Variants in CWC15 observed in about 807,000 individuals in gnomAD.
CWC15 encodes the protein spliceosome-associated protein CWC15 homolog.
In CWC15, 12 loss-of-function variants were observed where a neutral mutation model predicts 28.4. That is an observed-to-expected ratio of 0.42 (90% CI 0.27 to 0.69). The LOEUF is 0.69. Ranked by LOEUF, CWC15 falls within the 30% of genes least tolerant of loss-of-function variation. The pLI is 0.23. For missense variants in CWC15, 192 were observed against 271.5 expected (o/e 0.71, Z 2.06); for synonymous variants, 92 against 88.4 (o/e 1.04, Z -0.23).
chr11:94,963,332 G>T lies in CWC15; in HGVS notation c.*53C>A. The T allele has an allele frequency of 7.3e-7, 1 of 1,379,108 alleles. No individual in the cohort carries two copies. The highest frequency in any genetic ancestry group is 9.6e-7 in the Non-Finnish European group (1 of 1,043,004). The allele number at this position is 1,379,108 out of a possible 1,614,324, so 85.4% of individuals were successfully genotyped here. On this transcript the variant is annotated 3_prime_UTR_variant, in exon 7 of 7. Transcript: ENST00000279839. ...AAGAAAAAAAAAACTCATAAAAAAA[G>T]TCAGAATGATCCTTTACGTTTTACA... is the stretch of plus-strand genomic sequence containing the variant.
chr11:94,971,525 A>AACAC (rs3831469), intron 2 of CWC15, 38 bp from the exon 3 acceptor site: 94,396 of 776,424 alleles, frequency 0.12, 3,332 homozygotes, highest in Middle Eastern at 0.21. Flanking sequence ...ATGTTACTTA[A>AACAC]ACACACACAC....
rs75884706 is a variant in CWC15 at position 94,965,329 on chromosome 11, C to G, written c.560+966G>C. Among the ~76,000 whole-genome samples, 354 of 152,366 alleles carry G rather than the reference C, an allele frequency of 2.3e-3. 2 individuals are homozygous for G. Among genetic ancestry groups the G allele is most frequent in the African/African-American group, 8.2e-3 (343 of 41,586 alleles). On this transcript the variant is annotated intron_variant, in intron 6 of 6. Coordinates refer to ENST00000279839, the MANE Select transcript of CWC15 (RefSeq NM_016403.4). ...ATAAAATAACAACCAATCTTCCTCC[C>G]TCAGCATTTCCTGTAAGCTTTTCTG...
intron 6 of CWC15, among the ~76,000 whole-genome samples, chr11:94,965,032 C>T (rs192201173): frequency 6.6e-6 from 1 of 152,218 alleles, no homozygotes; most frequent in African/African-American, 2.4e-5. Context: ...GTCAGCAGTA[C>T]TGCATCACTC....
At chr11:94,971,551 C>G in intron 2 of CWC15, 64 bp from the exon 3 acceptor site, 2 of 753,648 alleles carry the variant, frequency 2.7e-6, no homozygotes, top group Non-Finnish European at 4.1e-6. Flanking sequence ...CACACAGAGA[C>G]TGTAGTAATG....
rs587653897 is a variant in CWC15 at position 94,972,177 on chromosome 11, T to C, written c.9A>G (p.Thr3=). ...CAGGTTCAAAGGTTGGCCTGGCTGC[T>C]GTTGTCATCTTTTATGCTTTGAAGA... MT[T]AARPTFEPAR... Residue 3 remains threonine, a synonymous_variant, in exon 2 of 7, where the codon ACA becomes ACG. Coordinates refer to ENST00000279839, the MANE Select transcript of CWC15 (RefSeq NM_016403.4). The C allele has an allele frequency of 3.0e-5, 49 of 1,611,934 alleles. No homozygotes were observed. The South Asian group carries it at 4.7e-4, about 16-fold the overall frequency.
chr11:94,970,749 C>T (rs1256392154), intron 4 of CWC15: 1 of 519,012 alleles, frequency 1.9e-6, no homozygotes, highest in Non-Finnish European at 3.5e-6. Flanking sequence ...TTTATAGATT[C>T]CTTCCATATT....
chr11:94,972,940 G>C (rs140936169), intron 1 of CWC15, among the ~76,000 whole-genome samples: 1,511 of 150,506 alleles, frequency 0.01, 14 homozygotes, highest in South Asian at 0.045. Context: ...GTTACTTTCT[G>C]CTTGGAGCAG....
chr11:94,966,202 C>A, intron 6 of CWC15, 93 bp downstream of exon 6: 2 of 725,928 alleles, frequency 2.8e-6, no homozygotes, highest in South Asian at 2.1e-5. Flanking sequence ...AATCTGCATG[C>A]CTGTGTGTAT....
At chr11:94,966,139 T>G (rs1180919008) in intron 6 of CWC15, among the ~76,000 whole-genome samples, 156 bp downstream of exon 6, 2 of 152,076 alleles carry the variant, frequency 1.3e-5, no homozygotes, top group African/African-American at 2.4e-5. Flanking sequence ...TATCAGTGAA[T>G]GGACGGTGGA....
intron 5 of CWC15, among the ~76,000 whole-genome samples, chr11:94,969,246 C>T (rs1471056060): frequency 2.6e-5 from 4 of 152,174 alleles, no homozygotes; most frequent in African/African-American, 9.7e-5. Flanking sequence ...CTAAGAGTCT[C>T]TTAATTGGGA....
At chr11:94,964,541 C>A (rs587671767) in intron 6 of CWC15, among the ~76,000 whole-genome samples, 1 of 152,270 alleles carries the variant, frequency 6.6e-6, no homozygotes, top group South Asian at 2.1e-4. Flanking sequence ...ATAATCAGTA[C>A]AGTTTTTTCT....
At position 94,965,310 on chromosome 11, in the gene CWC15, T is replaced by C. The variant is rs587680308; in HGVS notation, c.560+985A>G. 7.9e-5 allele frequency among the ~76,000 whole-genome samples: 12 copies of C among 152,372 alleles called. No individual in the cohort carries two copies. The East Asian group carries it at 1.9e-3, about 24-fold the overall frequency. On this transcript the variant is annotated intron_variant, in intron 6 of 6. Coordinates refer to ENST00000279839, the MANE Select transcript of CWC15 (RefSeq NM_016403.4). Reference sequence around the variant, plus strand: ...GGTTCCTTGACGAATGCATATAAAATAACAACCAATCTTCCTCCCTCAGCA... The same window carrying C: ...GGTTCCTTGACGAATGCATATAAAACAACAACCAATCTTCCTCCCTCAGCA...
intron 2 of CWC15, 89 bp downstream of exon 2, chr11:94,971,966 A>AT: frequency 8.6e-7 from 1 of 1,159,610 alleles, no homozygotes; most frequent in Non-Finnish European, 1.2e-6. Context: ...GATAAGTGAC[A>AT]TAACTCAAAC....
At position 94,967,229 on chromosome 11, in the gene CWC15, T is replaced by C. The variant is rs587638589; in HGVS notation, c.442-816A>G. ...TTTTAGTAGAGACGTCATTTCACCA[T>C]GTTGGCCAGGCTGGTCTCGAACTCC... On this transcript the variant is annotated intron_variant, in intron 5 of 6. Coordinates refer to ENST00000279839, the MANE Select transcript of CWC15 (RefSeq NM_016403.4). Among the ~76,000 whole-genome samples, 47 of 152,252 alleles carry C rather than the reference T, an allele frequency of 3.1e-4. 1 individual carries two copies. The highest frequency in any genetic ancestry group is 1.0e-3 in the African/African-American group (42 of 41,552).
chr11:94,969,284 G>GT (rs1246829433), intron 5 of CWC15, among the ~76,000 whole-genome samples: 40 of 152,140 alleles, frequency 2.6e-4, no homozygotes, highest in Non-Finnish European at 4.7e-4. Flanking sequence ...TCCTAACTCA[G>GT]TTTTTTTCCA....
chr11:94,970,921 T>C, intron 4 of CWC15, 56 bp downstream of exon 4: 1 of 1,373,420 alleles, frequency 7.3e-7, no homozygotes, highest in Non-Finnish European at 1.0e-6. Context: ...TAACAAGTAT[T>C]TTAGAATAGC....
chr11:94,971,414 C>G lies in CWC15; in HGVS notation c.205G>C (p.Ala69Pro), dbSNP rs1171849740. ...TCCCTATTTTTCTCTCTTGCAGCAG[C>G]TCTCTCTCTTTCTTCCAACTCTCTC... ...FRRELEERER[A>P]AAREKNRDRP... Residue 69 changes from alanine (A) to proline (P), a missense_variant, in exon 3 of 7, where the codon GCT becomes CCT. By Grantham distance (27) the Ala-to-Pro change is conservative (BLOSUM62 -1). Around this residue, in one of 2 missense-constraint regions of CWC15, gnomAD observed 188 missense variants for 250.3 expected, o/e 0.75. Coordinates refer to ENST00000279839, the MANE Select transcript of CWC15 (RefSeq NM_016403.4). 6.2e-7 allele frequency: 1 copy of G among 1,612,792 alleles called. No homozygotes were observed. Among genetic ancestry groups the G allele is most frequent in the Non-Finnish European group, 8.5e-7 (1 of 1,179,386 alleles).
intron 5 of CWC15, among the ~76,000 whole-genome samples, chr11:94,967,318 G>A (rs895383129): frequency 2.0e-4 from 31 of 152,262 alleles, no homozygotes; most frequent in African/African-American, 7.2e-4. Context: ...GAGCCACCGT[G>A]CCCGGCCTCA....
intron 4 of CWC15, 39 bp downstream of exon 4, chr11:94,970,938 A>G (rs1857711067): frequency 3.4e-6 from 5 of 1,459,966 alleles, no homozygotes; most frequent in Non-Finnish European, 4.8e-6. Flanking sequence ...TAGCATGGTA[A>G]ATCAATTATT....
Sources: allele counts gnomAD v4.1 joint callset (sites outside exome capture counted in the v4.1 genomes callset), GRCh38; gene constraint gnomAD v4.1.1; regional missense constraint gnomAD v4.1.1; transcripts MANE v1.5; gene names NCBI Gene and HGNC (gene_info 2026-07-23, HGNC 2026-07-21).